The following RGS22 variants were observed in gnomAD, a reference collection of about 807,000 sequenced individuals.
RGS22 encodes the protein regulator of G-protein signaling 22.
RGS22 carries 148 observed loss-of-function variants against 172.9 expected under a neutral mutation model. The ratio of observed to expected loss-of-function variants is 0.86; its 90% confidence interval spans 0.75 to 0.98. The LOEUF (loss-of-function observed/expected upper bound fraction) is 0.98. Among genes scored for constraint, RGS22 ranks in the 50% least tolerant of loss-of-function variants. RGS22 has a pLI of 0.00. For missense variants in RGS22, 1,347 were observed against 1,440.8 expected (o/e 0.93, Z 1.05); for synonymous variants, 458 against 480.2 (o/e 0.95, Z 0.60).
chr8:100,100,115 T>C (rs1164702900), intron 2 of RGS22, among the ~76,000 whole-genome samples: 1 of 152,192 alleles, frequency 6.6e-6, no homozygotes, highest in African/African-American at 2.4e-5. Flanking sequence ...CCACAGACAC[T>C]GAAATCTGGG....
chr8:100,025,850 G>A (rs1374023049), intron 14 of RGS22, among the ~76,000 whole-genome samples: 1 of 152,186 alleles, frequency 6.6e-6, no homozygotes, highest in African/African-American at 2.4e-5. Context: ...AAATTTTACG[G>A]GGGAGGAGCT....
chr8:99,962,478 G>A, intron 26 of RGS22, 35 bp from the exon 27 acceptor site: 1 of 1,606,056 alleles, frequency 6.2e-7, no homozygotes, highest in African/African-American at 1.3e-5. Flanking sequence ...TATATATTTA[G>A]TCTTTCCTCC....
chr8:99,965,581 CAG>C (rs1294488110), intron 23 of RGS22, 151 bp from the exon 24 acceptor site: 26 of 500,518 alleles, frequency 5.2e-5, no homozygotes, highest in Non-Finnish European at 7.7e-5. Context: ...ACTAATGTGA[CAG>C]AGTCTCCTGC....
In RGS22 at chr8:100,104,329, C is replaced by CGTGTGTGTGT. The variant is rs34385626; in HGVS notation, c.54+1035_54+1044dup. On this transcript the variant is annotated intron_variant, in intron 2 of 27. Transcript: ENST00000360863. ...GAGAGACCCTGTCTCAAAATATGTG[C>CGTGTGTGTGT]GTGTGTGTGTGTGTGTGTGTGTGTG... Among the ~76,000 whole-genome samples, 1,028 of 140,398 alleles carry CGTGTGTGTGT rather than the reference C, an allele frequency of 7.3e-3. 1 individual carries two copies. The highest frequency in any genetic ancestry group is 0.021 in the South Asian group (91 of 4,332). 92.1% of individuals were successfully genotyped at this position (140,398 alleles called of 152,430 possible).
At chr8:100,038,892 T>A in intron 14 of RGS22, 39 bp downstream of exon 14, 1 of 1,327,864 alleles carries the variant, frequency 7.5e-7, no homozygotes, top group Non-Finnish European at 1.1e-6. Context: ...CTCTGTGTAC[T>A]TAGTGCTTCA....
chr8:99,979,103 G>A (rs1812274876), intron 22 of RGS22, among the ~76,000 whole-genome samples: 1 of 152,094 alleles, frequency 6.6e-6, no homozygotes, highest in African/African-American at 2.4e-5. Context: ...ATGAAACGCA[G>A]GCTTTTAAGA....
At chr8:100,074,742 CT>C in intron 4 of RGS22, among the ~76,000 whole-genome samples, 1 of 151,078 alleles carries the variant, frequency 6.6e-6, no homozygotes, top group Middle Eastern at 3.4e-3. Flanking sequence ...TGCAGGGTTT[CT>C]TTTTTGTTTT....
chr8:100,091,134 A>G (rs1416121937), intron 3 of RGS22, among the ~76,000 whole-genome samples: 2 of 152,136 alleles, frequency 1.3e-5, no homozygotes, highest in African/African-American at 4.8e-5. Flanking sequence ...GAATTTTGCC[A>G]GACACTTAGT....
chr8:100,008,571 T>C lies in RGS22; in HGVS notation c.2167-2A>G, dbSNP rs769120765. The C allele has an allele frequency of 1.2e-6, 2 of 1,605,328 alleles. No homozygotes were observed. The highest frequency in any genetic ancestry group is 2.2e-5 in the East Asian group (1 of 44,804). ...AGCAACGTATGTGGCAAAAAGATAC[T>C]GAAGGAGAAGAGGGAAGAAGGGAGA... On this transcript the variant is annotated splice_acceptor_variant, in intron 14 of 27. Coordinates refer to ENST00000360863, the MANE Select transcript of RGS22 (RefSeq NM_015668.5). LOFTEE classifies it high-confidence loss of function.
intron 14 of RGS22, 50 bp from the exon 15 acceptor site, chr8:100,008,619 G>A: frequency 7.0e-7 from 1 of 1,420,890 alleles, no homozygotes; most frequent in Non-Finnish European, 9.6e-7. Flanking sequence ...AAGCCACAAT[G>A]GTTAGCAGAC....
At chr8:100,066,133 A>G (rs1810517560) in intron 7 of RGS22, 34 bp downstream of exon 7, 1 of 1,590,866 alleles carries the variant, frequency 6.3e-7, no homozygotes, top group Non-Finnish European at 8.6e-7. Context: ...CTTAAAGAGA[A>G]GTTCTGAAGT....
chr8:99,998,584 G>A (rs753351623), intron 19 of RGS22, among the ~76,000 whole-genome samples: 1 of 152,020 alleles, frequency 6.6e-6, no homozygotes, highest in Non-Finnish European at 1.5e-5. Flanking sequence ...GGTGACCCCT[G>A]ACTCTCAAAT....
At chr8:99,970,385 A>G (rs1811205975) in intron 23 of RGS22, among the ~76,000 whole-genome samples, 1 of 152,202 alleles carries the variant, frequency 6.6e-6, no homozygotes, top group Non-Finnish European at 1.5e-5. Flanking sequence ...CTAAGATCAG[A>G]GCAAAACTAA....
chr8:100,034,122 G>C (rs377686188), intron 14 of RGS22, among the ~76,000 whole-genome samples: 1 of 151,922 alleles, frequency 6.6e-6, no homozygotes, highest in Non-Finnish European at 1.5e-5. Context: ...CAGGGCAATC[G>C]GGCAAGAGAA....
chr8:100,016,982 T>C (rs1437339115), intron 14 of RGS22, among the ~76,000 whole-genome samples: 28 of 53,568 alleles, frequency 5.2e-4, no homozygotes, highest in African/African-American at 2.5e-3. Flanking sequence ...ACCAGTCTTT[T>C]TTTTTTTTTT....
intron 9 of RGS22, among the ~76,000 whole-genome samples, chr8:100,058,842 G>C (rs568758051): frequency 6.4e-4 from 97 of 152,170 alleles, no homozygotes; most frequent in African/African-American, 2.2e-3. Flanking sequence ...CAAGTAAACA[G>C]AAAAACACAG....
chr8:99,968,707 C>T (rs1026466530), intron 23 of RGS22, among the ~76,000 whole-genome samples: 8 of 152,002 alleles, frequency 5.3e-5, no homozygotes, highest in African/African-American at 1.9e-4. Flanking sequence ...ATGAACAAAG[C>T]CTCCAAGAAA....
At position 99,987,638 on chromosome 8, in the gene RGS22, A is replaced by G; in HGVS notation, c.3019-19T>C. The G allele has an allele frequency of 2.6e-6, 4 of 1,510,976 alleles. No homozygotes were observed. Among genetic ancestry groups the G allele is most frequent in the Non-Finnish European group, 3.5e-6 (4 of 1,126,866 alleles). 93.6% of individuals were successfully genotyped at this position (1,510,976 alleles called of 1,614,324 possible). A position where few individuals can be genotyped will look rare whatever the true frequency, so the allele number is the denominator to read the frequency against. On this transcript the variant is annotated intron_variant, in intron 20 of 27. Coordinates refer to ENST00000360863, the MANE Select transcript of RGS22 (RefSeq NM_015668.5). ...CCACAGGCTGTCCAAAGCAGAGAAT[A>G]TAGGAAATTAGCTCATTAATTAGGC...
chr8:100,017,627 T>C (rs1184188243), intron 14 of RGS22, among the ~76,000 whole-genome samples: 1 of 152,160 alleles, frequency 6.6e-6, no homozygotes, highest in African/African-American at 2.4e-5. Context: ...ATACAAGATA[T>C]TGTAATTGTA....
Sources: gnomAD v4.1 joint callset for allele counts (sites outside exome capture counted in the v4.1 genomes callset) on GRCh38, gnomAD v4.1.1 for gene constraint, MANE v1.5 for transcripts, NCBI Gene and HGNC (gene_info 2026-07-23, HGNC 2026-07-21) for gene names.